The following LMO3 variants were observed in gnomAD, a reference collection of about 807,000 sequenced individuals.
LMO3 encodes the protein LIM domain only protein 3.
LMO3 carries 2 observed loss-of-function variants against 15.8 expected under a neutral mutation model. The observed-to-expected ratio is 0.13, with a 90% CI of 0.05 to 0.40. LMO3 has a LOEUF of 0.40. LMO3 is among the 10% of genes least tolerant of loss of function. The pLI, the probability that LMO3 is intolerant of heterozygous loss-of-function variation, is 0.99. For synonymous variants in LMO3, 62 were observed against 63.8 expected (o/e 0.97, Z 0.13); for missense variants, 86 against 182.2 (o/e 0.47, Z 3.04).
intron 3 of LMO3, among the ~76,000 whole-genome samples, chr12:16,556,094 GCTTT>G (rs1277225522): frequency 6.6e-6 from 1 of 151,944 alleles, no homozygotes; most frequent in African/African-American, 2.4e-5. Context: ...CTAGCACAGT[GCTTT>G]ATTCTTAAAA....
At position 16,606,138 on chromosome 12, in the gene LMO3, G is replaced by C. The variant is rs185507011; in HGVS notation, c.-81C>G. 35 of 227,162 alleles carry C rather than the reference G, an allele frequency of 1.5e-4. No individual in the cohort carries two copies. The highest frequency in any genetic ancestry group is 2.4e-4 in the Non-Finnish European group (29 of 119,356). The allele number at this position is 227,162 out of a possible 1,614,324, so 14.1% of individuals were successfully genotyped here. A position where few individuals can be genotyped will look rare whatever the true frequency, so the allele number is the denominator to read the frequency against. Reference sequence around the variant, plus strand: ...GCTGCTTTGTAGCGCTTCTCCTTGGGAAAGGTCAAAAAGAAGCATTGTTTG... The same window carrying C: ...GCTGCTTTGTAGCGCTTCTCCTTGGCAAAGGTCAAAAAGAAGCATTGTTTG... On this transcript the variant is annotated 5_prime_UTR_variant, in exon 1 of 4. Coordinates refer to ENST00000537304, the MANE Select transcript of LMO3 (RefSeq NM_018640.5).
chr12:16,582,899 T>C lies in LMO3; in HGVS notation c.206+17756A>G, dbSNP rs1764809582. Among the ~76,000 whole-genome samples, 2 of 151,886 alleles carry C rather than the reference T, an allele frequency of 1.3e-5. No homozygotes were observed. The highest frequency in any genetic ancestry group is 4.2e-4 in the South Asian group (2 of 4,814). On this transcript the variant is annotated intron_variant, in intron 2 of 3. Coordinates refer to ENST00000537304, the MANE Select transcript of LMO3 (RefSeq NM_018640.5). This position sits in a 1 kb window ranked among gnomAD's most constrained non-coding sequence, Gnocchi z 4.1. ...CCCGTCTCTACTAAAATAAAAAAAT[T>C]AGCCGGGAGTGGTGGCATGCACCTG... is the stretch of plus-strand genomic sequence containing the variant.
chr12:16,553,164 A>T (rs2137259983), intron 3 of LMO3, among the ~76,000 whole-genome samples: 1 of 152,278 alleles, frequency 6.6e-6, no homozygotes, highest in East Asian at 1.9e-4. Flanking sequence ...CAACCTAGAA[A>T]GTAAGCATTG....
chr12:16,565,218 A>G (rs540612802), intron 2 of LMO3, among the ~76,000 whole-genome samples: 14 of 152,248 alleles, frequency 9.2e-5, no homozygotes, highest in Non-Finnish European at 1.9e-4. Flanking sequence ...AATTGCAATC[A>G]ATTGAAAAGA....
In LMO3 at chr12:16,549,220, C is replaced by G. The variant is rs548686190; in HGVS notation, c.*2002G>C. On this transcript the variant is annotated 3_prime_UTR_variant, in exon 4 of 4. Transcript: ENST00000537304. ...TCTTGCTTTGTTTATTTTGGTTATG[C>G]AAGTCCTTTCTCTTCATGAAACAAG... 2 of 152,194 alleles carry G rather than the reference C, an allele frequency of 1.3e-5. No homozygotes were observed. The highest frequency in any genetic ancestry group is 4.2e-4 in the South Asian group (2 of 4,818). 9.4% of individuals were successfully genotyped at this position (152,194 alleles called of 1,614,324 possible).
chr12:16,561,751 A>G (rs1260519824), intron 2 of LMO3, among the ~76,000 whole-genome samples: 4 of 152,208 alleles, frequency 2.6e-5, no homozygotes, highest in Non-Finnish European at 4.4e-5. Context: ...AGTTGTTGGA[A>G]ACAGTTGTGA....
At chr12:16,592,112 A>C (rs1174124352) in intron 2 of LMO3, among the ~76,000 whole-genome samples, 1 of 152,092 alleles carries the variant, frequency 6.6e-6, no homozygotes, top group African/African-American at 2.4e-5. Context: ...TTTGTACTTT[A>C]TATATTATAC....
intron 3 of LMO3, among the ~76,000 whole-genome samples, chr12:16,557,886 C>T (rs1432940007): frequency 6.6e-6 from 1 of 151,994 alleles, no homozygotes; most frequent in African/African-American, 2.4e-5. Context: ...TCTCTTCTCA[C>T]TATAAATGTC....
At chr12:16,592,155 ATTAT>A (rs1943514224) in intron 2 of LMO3, among the ~76,000 whole-genome samples, 3 of 152,050 alleles carry the variant, frequency 2.0e-5, no homozygotes, top group Non-Finnish European at 4.4e-5. Flanking sequence ...TTTCACATTC[ATTAT>A]TTATAAGAAC....
chr12:16,581,609 C>T (rs1943161706), intron 2 of LMO3, among the ~76,000 whole-genome samples: 1 of 152,140 alleles, frequency 6.6e-6, no homozygotes, highest in African/African-American at 2.4e-5. Context: ...CTTTCTTTCA[C>T]AATGTTAAAA....
Position 16,604,903 on chromosome 12 carries a change from CG to C in LMO3, c.-9+1162del. On this transcript the variant is annotated intron_variant, in intron 1 of 3. Coordinates refer to ENST00000537304, the MANE Select transcript of LMO3 (RefSeq NM_018640.5). This position sits in a 1 kb window ranked among gnomAD's most constrained non-coding sequence, Gnocchi z 5.3. ...CTTTTTCTGCATGAGTTGACTTAGGCGTGTCTGAGTTGCAGCAGCTTCGCAT... is the reference window on the plus strand; with the variant it reads ...CTTTTTCTGCATGAGTTGACTTAGGCTGTCTGAGTTGCAGCAGCTTCGCAT... The C allele has an allele frequency of 6.3e-7, 1 of 1,598,460 alleles. No individual in the cohort carries two copies. The highest frequency in any genetic ancestry group is 8.5e-7 in the Non-Finnish European group (1 of 1,179,810).
Position 16,550,031 on chromosome 12 carries a change from A to C in LMO3, c.*1191T>G, listed in dbSNP as rs572153761. The C allele has an allele frequency of 6.6e-6, 1 of 152,192 alleles. No individual in the cohort carries two copies. The highest frequency in any genetic ancestry group is 2.4e-5 in the African/African-American group (1 of 41,560). 9.4% of individuals were successfully genotyped at this position (152,192 alleles called of 1,614,324 possible). ...ACATTAAAATAAATGTCAGGTAAAT[A>C]CAGAAAAATATATAATCACTAGTTC... On this transcript the variant is annotated 3_prime_UTR_variant, in exon 4 of 4. Transcript: ENST00000537304.
At position 16,604,665 on chromosome 12, in the gene LMO3, T is replaced by C; in HGVS notation, c.-9+1401A>G. Reference sequence around the variant, plus strand: ...TTGTGTCTTTGCAGCCACACAGGGATGGTTTGCAAAGAATGTAGCAGTATT... The same window carrying C: ...TTGTGTCTTTGCAGCCACACAGGGACGGTTTGCAAAGAATGTAGCAGTATT... On this transcript the variant is annotated intron_variant, in intron 1 of 3. Transcript: ENST00000537304. This position sits in a 1 kb window ranked among gnomAD's most constrained non-coding sequence, Gnocchi z 5.3. The C allele has an allele frequency of 1.7e-6, 1 of 605,902 alleles. No homozygotes were observed. The highest frequency in any genetic ancestry group is 2.1e-5 in the South Asian group (1 of 48,172). The allele number at this position is 605,902 out of a possible 1,614,324, so 37.5% of individuals were successfully genotyped here.
chr12:16,577,990 C>G (rs765860020), intron 2 of LMO3, among the ~76,000 whole-genome samples: 17 of 152,168 alleles, frequency 1.1e-4, no homozygotes, highest in Non-Finnish European at 2.2e-4. Flanking sequence ...TCTGGCAACA[C>G]TACAACTAAT....
In LMO3 at chr12:16,584,593, G is replaced by T. The variant is rs1392590148; in HGVS notation, c.206+16062C>A. Reference sequence around the variant, plus strand: ...ATTGGCAAGTGGAGGAGTGGGGGGGGTAAGAGGCCTGTTTAGAGGTGGATG... The same window carrying T: ...ATTGGCAAGTGGAGGAGTGGGGGGGTTAAGAGGCCTGTTTAGAGGTGGATG... On this transcript the variant is annotated intron_variant, in intron 2 of 3. Coordinates refer to ENST00000537304, the MANE Select transcript of LMO3 (RefSeq NM_018640.5). This position sits in a 1 kb window ranked among gnomAD's most constrained non-coding sequence, Gnocchi z 5.2. 2.0e-5 allele frequency among the ~76,000 whole-genome samples: 3 copies of T among 151,022 alleles called. No individual in the cohort carries two copies. Among genetic ancestry groups the T allele is most frequent in the Admixed American group, 1.3e-4 (2 of 15,206 alleles).
Position 16,585,397 on chromosome 12 carries a change from T to A in LMO3, c.206+15258A>T, listed in dbSNP as rs1220348784. On this transcript the variant is annotated intron_variant, in intron 2 of 3. Coordinates refer to ENST00000537304, the MANE Select transcript of LMO3 (RefSeq NM_018640.5). This position sits in a 1 kb window ranked among gnomAD's most constrained non-coding sequence, Gnocchi z 4.7. Reference sequence around the variant, plus strand: ...AATCACTTGGCCACAAAGATTAATATTAACCTATATTAAAGGTTATTTTTG... The same window carrying A: ...AATCACTTGGCCACAAAGATTAATAATAACCTATATTAAAGGTTATTTTTG... Among the ~76,000 whole-genome samples the A allele has an allele frequency of 6.6e-6, 1 of 152,206 alleles. No homozygotes were observed. The highest frequency in any genetic ancestry group is 2.4e-5 in the African/African-American group (1 of 41,454).
intron 2 of LMO3, among the ~76,000 whole-genome samples, chr12:16,562,495 G>C (rs905919996): frequency 3.9e-5 from 6 of 151,992 alleles, no homozygotes; most frequent in Non-Finnish European, 7.4e-5. Context: ...AATTGCTCTC[G>C]CTAGCTGAGC....
At chr12:16,594,321 A>C in intron 2 of LMO3, 1 of 1,404,642 alleles carries the variant, frequency 7.1e-7, no homozygotes, top group South Asian at 1.6e-5. Context: ...ACCAATTTTT[A>C]TAAGCCAATT....
rs1941964105 is a variant in LMO3 at position 16,550,934 on chromosome 12, C to A, written c.*288G>T. ...TTCAAATATTACAATACATTATATA[C>A]AATAGTCCAAAATAAACATCTCATG... On this transcript the variant is annotated 3_prime_UTR_variant, in exon 4 of 4. Transcript: ENST00000537304. 1 of 328,168 alleles carries A rather than the reference C, an allele frequency of 3.0e-6. No individual in the cohort carries two copies. The highest frequency in any genetic ancestry group is 5.7e-6 in the Non-Finnish European group (1 of 175,238). The allele number at this position is 328,168 out of a possible 1,614,324, so 20.3% of individuals were successfully genotyped here.
Sources: allele counts gnomAD v4.1 joint callset (sites outside exome capture counted in the v4.1 genomes callset), GRCh38; gene constraint gnomAD v4.1.1; non-coding constraint Gnocchi (gnomAD v3.1); transcripts MANE v1.5; gene names NCBI Gene and HGNC (gene_info 2026-07-23, HGNC 2026-07-21).